Variants in RAPGEF2 observed in about 807,000 individuals in gnomAD.
The protein encoded by RAPGEF2 is PDZ domain containing guanine nucleotide exchange factor (GEF) 1.
A neutral mutation model predicts 186.7 loss-of-function variants in RAPGEF2; 54 were observed. The observed-to-expected ratio is 0.29, with a 90% CI of 0.23 to 0.36. The LOEUF (loss-of-function observed/expected upper bound fraction) is 0.36, where lower values mean the gene tolerates loss of function less well. RAPGEF2 is among the 10% of genes least tolerant of loss of function. The probability of loss-of-function intolerance (pLI) is 1.00; values close to 1 mark genes in which losing one functional copy is unlikely to be tolerated. For synonymous variants in RAPGEF2, 712 were observed against 705.9 expected (o/e 1.01, Z -0.14); for missense variants, 1,532 against 2,045.0 (o/e 0.75, Z 4.84).
At chr4:159,345,058 G>C in intron 23 of RAPGEF2, 48 bp from the exon 24 acceptor site, 1 of 1,473,210 alleles carries the variant, frequency 6.8e-7, no homozygotes, top group Non-Finnish European at 9.5e-7. Flanking sequence ...AATAGATAAA[G>C]TACTCCCATG....
chr4:159,124,298 G>A (rs1740042583), intron 1 of RAPGEF2, among the ~76,000 whole-genome samples: 1 of 151,846 alleles, frequency 6.6e-6, no homozygotes, highest in Non-Finnish European at 1.5e-5. Flanking sequence ...CCAGCACTTT[G>A]GGAGACTGAG....
chr4:159,356,455 T>G (rs886649707), intron 29 of RAPGEF2, among the ~76,000 whole-genome samples: 6 of 152,118 alleles, frequency 3.9e-5, no homozygotes, highest in Non-Finnish European at 7.4e-5. Context: ...AAAATTTGAT[T>G]GCTTTCTGTG....
rs531440161 is a variant in RAPGEF2, at chr4:159,167,663, A to G, written c.70-18979A>G. 9.8e-5 allele frequency among the ~76,000 whole-genome samples: 15 copies of G among 152,326 alleles called. 1 individual carries two copies. The East Asian group carries it at 1.5e-3, about 16-fold the overall frequency. On this transcript the variant is annotated intron_variant, in intron 1 of 29. Transcript: ENST00000691494. ...AATATTGTTTGTCTTACTAGAAAGG[A>G]CAATGATTTTCTCTGTTTTGTATGC...
chr4:159,342,903 G>A, intron 20 of RAPGEF2, 76 bp from the exon 21 acceptor site: 1 of 1,242,684 alleles, frequency 8.0e-7, no homozygotes, highest in South Asian at 1.4e-5. Flanking sequence ...TAAACATAGA[G>A]ATGTTATATG....
At chr4:159,185,434 A>C (rs1331217269) in intron 1 of RAPGEF2, among the ~76,000 whole-genome samples, 1 of 152,220 alleles carries the variant, frequency 6.6e-6, no homozygotes, top group Non-Finnish European at 1.5e-5. Flanking sequence ...TCAATTGATA[A>C]ATGGGCAAAT....
At chr4:159,249,956 A>G (rs1344419297) in intron 7 of RAPGEF2, among the ~76,000 whole-genome samples, 4 of 152,220 alleles carry the variant, frequency 2.6e-5, no homozygotes, top group Non-Finnish European at 5.9e-5. Flanking sequence ...TGTACTGCCT[A>G]GCATCCTTTG....
At chr4:159,225,913 C>A (rs1296653245) in intron 4 of RAPGEF2, among the ~76,000 whole-genome samples, 2 of 151,876 alleles carry the variant, frequency 1.3e-5, no homozygotes, top group Admixed American at 1.3e-4. Context: ...CAGAAATTTC[C>A]TCCTAATCTA....
chr4:159,340,878 C>T (rs1729376530), intron 19 of RAPGEF2, among the ~76,000 whole-genome samples: 1 of 152,196 alleles, frequency 6.6e-6, no homozygotes, highest in African/African-American at 2.4e-5. Context: ...AAAGGGGCTC[C>T]AGCCCTGTGT....
intron 9 of RAPGEF2, 42 bp from the exon 10 acceptor site, chr4:159,322,305 T>C: frequency 2.5e-6 from 4 of 1,578,188 alleles, no homozygotes; most frequent in Non-Finnish European, 3.5e-6. Context: ...TTGTTTTTAA[T>C]AAAAGTAGTA....
chr4:159,313,055 T>C (rs1265099193), intron 8 of RAPGEF2, among the ~76,000 whole-genome samples: 2 of 151,828 alleles, frequency 1.3e-5, no homozygotes, highest in African/African-American at 2.4e-5. Context: ...GGCTGAGGCA[T>C]GAGAATCGCA....
At chr4:159,291,758 A>G (rs1031680137) in intron 7 of RAPGEF2, among the ~76,000 whole-genome samples, 4 of 151,512 alleles carry the variant, frequency 2.6e-5, no homozygotes, top group Non-Finnish European at 5.9e-5. Context: ...TCCATTGTAT[A>G]TATATCAAGA....
intron 7 of RAPGEF2, 73 bp downstream of exon 7, chr4:159,243,864 T>TA: frequency 9.6e-7 from 1 of 1,039,544 alleles, no homozygotes; most frequent in Non-Finnish European, 1.3e-6. Flanking sequence ...TACTAATGAA[T>TA]TTATAATATT....
intron 1 of RAPGEF2, among the ~76,000 whole-genome samples, chr4:159,142,605 TAAAC>T (rs1039708340): frequency 6.6e-5 from 10 of 151,708 alleles, no homozygotes; most frequent in South Asian, 2.1e-4. Flanking sequence ...TAAAAATACA[TAAAC>T]AAAATAAATG....
At position 159,350,116 on chromosome 4, in the gene RAPGEF2, GTT is replaced by G. The variant is rs11320537; in HGVS notation, c.3713-11_3713-10del. 2.2e-4 allele frequency: 283 copies of G among 1,267,790 alleles called. No homozygotes were observed. The highest frequency in any genetic ancestry group is 3.4e-4 in the South Asian group (20 of 59,582). The allele number at this position is 1,267,790 out of a possible 1,614,324, so 78.5% of individuals were successfully genotyped here. A position where few individuals can be genotyped will look rare whatever the true frequency, so the allele number is the denominator to read the frequency against. ...TCAGACTTGAAAATACATATTTAAG[GTT>G]TTTTTTTTTCCATTATAGGCATAAA... is the stretch of plus-strand genomic sequence containing the variant. On this transcript the variant is annotated intron_variant, in intron 25 of 29. Transcript: ENST00000691494.
At chr4:159,261,485 T>C (rs1433639292) in intron 7 of RAPGEF2, among the ~76,000 whole-genome samples, 2 of 152,270 alleles carry the variant, frequency 1.3e-5, no homozygotes, top group Non-Finnish European at 2.9e-5. Flanking sequence ...CTCCATAATT[T>C]TAGTTCATGT....
At chr4:159,172,453 T>TA (rs1746010644) in intron 1 of RAPGEF2, among the ~76,000 whole-genome samples, 1 of 152,206 alleles carries the variant, frequency 6.6e-6, no homozygotes, top group African/African-American at 2.4e-5. Flanking sequence ...TATTCACTCT[T>TA]ACCACCCCAA....
chr4:159,355,619 A>T (rs555900459), intron 28 of RAPGEF2, among the ~76,000 whole-genome samples: 1 of 152,154 alleles, frequency 6.6e-6, no homozygotes, highest in Admixed American at 6.5e-5. Flanking sequence ...ACTTAGATGG[A>T]CTAGCAGCTT....
intron 1 of RAPGEF2, among the ~76,000 whole-genome samples, chr4:159,151,499 C>T (rs11736302): frequency 0.18 from 27,594 of 152,040 alleles, 2,557 homozygotes; most frequent in Admixed American, 0.24. Flanking sequence ...TTAAAAATAC[C>T]GTATTAAGGG....
At chr4:159,329,072 G>A (rs1043348996) in intron 11 of RAPGEF2, 15 of 152,014 alleles carry the variant, frequency 9.9e-5, no homozygotes, top group South Asian at 6.2e-4. Context: ...TTCCATTTCC[G>A]AATGATCTCT....
Sources: allele counts gnomAD v4.1 joint callset (sites outside exome capture counted in the v4.1 genomes callset), GRCh38; gene constraint gnomAD v4.1.1; transcripts MANE v1.5; gene names NCBI Gene and HGNC (gene_info 2026-07-23, HGNC 2026-07-21).